The following OXCT1 variants were observed in gnomAD, a reference collection of about 807,000 sequenced individuals.
The protein encoded by OXCT1 is succinyl-CoA:3-ketoacid coenzyme A transferase 1, mitochondrial.
Under a neutral mutation model 69.6 loss-of-function variants are expected in OXCT1, and 27 were observed. The ratio of observed to expected loss-of-function variants is 0.39; its 90% confidence interval spans 0.29 to 0.54. OXCT1 has a LOEUF of 0.54. Ranked by LOEUF, OXCT1 falls within the 20% of genes least tolerant of loss-of-function variation. The probability of loss-of-function intolerance (pLI) is 0.72; values close to 1 mark genes in which losing one functional copy is unlikely to be tolerated. For synonymous variants in OXCT1, 202 were observed against 217.8 expected (o/e 0.93, Z 0.64); for missense variants, 437 against 650.2 (o/e 0.67, Z 3.57).
At chr5:41,793,130 C>T (rs1374925729) in intron 13 of OXCT1, among the ~76,000 whole-genome samples, 3 of 152,202 alleles carry the variant, frequency 2.0e-5, no homozygotes, top group African/African-American at 4.8e-5. Flanking sequence ...CATTAATCCA[C>T]CTTCCTCAAA....
intron 7 of OXCT1, among the ~76,000 whole-genome samples, chr5:41,810,947 G>A (rs1746951619): frequency 6.6e-6 from 1 of 151,748 alleles, no homozygotes; most frequent in Non-Finnish European, 1.5e-5. Context: ...TCACATTCCA[G>A]GCTTTCTTCC....
intron 7 of OXCT1, among the ~76,000 whole-genome samples, chr5:41,816,709 G>A (rs139727964): frequency 2.1e-3 from 325 of 152,138 alleles, no homozygotes; most frequent in African/African-American, 7.5e-3. Flanking sequence ...CAGCACTAGA[G>A]ATAAGACCCC....
chr5:41,849,613 A>T (rs1244521077), intron 5 of OXCT1, among the ~76,000 whole-genome samples: 1 of 152,206 alleles, frequency 6.6e-6, no homozygotes, highest in East Asian at 1.9e-4. Flanking sequence ...GGTTTCAGAC[A>T]AACATATTAT....
At chr5:41,766,464 T>C (rs1298491266) in intron 13 of OXCT1, among the ~76,000 whole-genome samples, 2 of 151,950 alleles carry the variant, frequency 1.3e-5, no homozygotes, top group African/African-American at 4.8e-5. Context: ...ATTTTGATCC[T>C]ATTTCCTAAT....
intron 15 of OXCT1, among the ~76,000 whole-genome samples, chr5:41,746,854 C>G (rs1433828374): frequency 6.6e-6 from 1 of 152,080 alleles, no homozygotes; most frequent in East Asian, 1.9e-4. Flanking sequence ...ACTATTCTCT[C>G]TAGTCAGAAA....
At chr5:41,845,485 C>T (rs1220762002) in intron 5 of OXCT1, among the ~76,000 whole-genome samples, 1 of 152,010 alleles carries the variant, frequency 6.6e-6, no homozygotes, top group Non-Finnish European at 1.5e-5. Flanking sequence ...TACCACAGTG[C>T]TTAGACCAGG....
At chr5:41,770,357 T>C (rs1228865942) in intron 13 of OXCT1, among the ~76,000 whole-genome samples, 4 of 152,156 alleles carry the variant, frequency 2.6e-5, no homozygotes. Context: ...GAAGAAAATA[T>C]GGTGTCCTTC....
intron 7 of OXCT1, among the ~76,000 whole-genome samples, chr5:41,829,863 A>G (rs1748006487): frequency 6.6e-6 from 1 of 152,174 alleles, no homozygotes; most frequent in African/African-American, 2.4e-5. Flanking sequence ...CATTGAGTAC[A>G]TCTTCATTAG....
At chr5:41,776,092 C>G (rs1370053736) in intron 13 of OXCT1, among the ~76,000 whole-genome samples, 1 of 152,168 alleles carries the variant, frequency 6.6e-6, no homozygotes, top group African/African-American at 2.4e-5. Context: ...CCTATAACCC[C>G]TGATATAAGA....
chr5:41,865,733 G>A (rs992543838), intron 1 of OXCT1, among the ~76,000 whole-genome samples: 2 of 152,162 alleles, frequency 1.3e-5, no homozygotes, highest in African/African-American at 4.8e-5. Context: ...CATGGGGGGA[G>A]AAGGTATTTT....
At chr5:41,864,623 C>G (rs1403216619) in intron 1 of OXCT1, among the ~76,000 whole-genome samples, 1 of 152,190 alleles carries the variant, frequency 6.6e-6, no homozygotes. Flanking sequence ...TCTAATCCAA[C>G]CAATTCATTT....
chr5:41,845,219 G>A (rs141662378), intron 5 of OXCT1, among the ~76,000 whole-genome samples: 193 of 152,208 alleles, frequency 1.3e-3, no homozygotes, highest in African/African-American at 4.5e-3. Flanking sequence ...TCTTCCTTCT[G>A]AACAGAGCAC....
chr5:41,850,021 G>A lies in OXCT1; in HGVS notation c.564+9C>T. On this transcript the variant is annotated intron_variant, in intron 5 of 16. Coordinates refer to ENST00000196371, the MANE Select transcript of OXCT1 (RefSeq NM_000436.4). ...ATCCTGGTATAATCTGGTTAAGAGT[G>A]TTTCTTACCTCTCTTGGCTTACTGG... The A allele has an allele frequency of 6.2e-7, 1 of 1,613,676 alleles. No homozygotes were observed. The highest frequency in any genetic ancestry group is 8.5e-7 in the Non-Finnish European group (1 of 1,179,654).
intron 14 of OXCT1, among the ~76,000 whole-genome samples, chr5:41,760,743 T>C (rs778864945): frequency 8.5e-5 from 13 of 152,154 alleles, no homozygotes; most frequent in Non-Finnish European, 1.9e-4. Flanking sequence ...TGAAGTATTT[T>C]GGATGCTTTG....
intron 13 of OXCT1, among the ~76,000 whole-genome samples, chr5:41,764,387 C>T (rs369834213): frequency 9.2e-5 from 14 of 152,230 alleles, no homozygotes; most frequent in African/African-American, 3.1e-4. Context: ...TAAATGTATT[C>T]ACTTATCTTC....
chr5:41,749,215 A>G (rs1314793050), intron 15 of OXCT1, among the ~76,000 whole-genome samples: 1 of 152,106 alleles, frequency 6.6e-6, no homozygotes, highest in African/African-American at 2.4e-5. Context: ...TATATTCATA[A>G]CTTTGCATAT....
intron 7 of OXCT1, among the ~76,000 whole-genome samples, chr5:41,834,674 T>C (rs1036152821): frequency 3.3e-5 from 5 of 152,138 alleles, no homozygotes; most frequent in South Asian, 2.1e-4. Context: ...GCCGGATACA[T>C]AGAGCAAATA....
chr5:41,765,811 G>A (rs1338460706), intron 13 of OXCT1, among the ~76,000 whole-genome samples: 2 of 152,154 alleles, frequency 1.3e-5, no homozygotes, highest in African/African-American at 4.8e-5. Flanking sequence ...ATTTTGAGAA[G>A]ATGAGAGCAC....
chr5:41,755,862 C>T (rs1005312327), intron 14 of OXCT1, among the ~76,000 whole-genome samples: 12 of 152,050 alleles, frequency 7.9e-5, no homozygotes, highest in Admixed American at 6.6e-4. Flanking sequence ...AAGGTACATA[C>T]ATAAATATAA....
Sources: allele counts gnomAD v4.1 joint callset (sites outside exome capture counted in the v4.1 genomes callset), GRCh38; gene constraint gnomAD v4.1.1; transcripts MANE v1.5; gene names NCBI Gene and HGNC (gene_info 2026-07-23, HGNC 2026-07-21).